RIMBP2: variants seen among roughly 807,000 people sequenced by gnomAD.
The protein encoded by RIMBP2 is RIMS binding protein 2.
A neutral mutation model predicts 118.6 loss-of-function variants in RIMBP2; 48 were observed. That is an observed-to-expected ratio of 0.40 (90% confidence interval 0.32 to 0.51). The LOEUF is 0.51. Ranked by LOEUF, RIMBP2 falls within the 20% of genes least tolerant of loss-of-function variation. RIMBP2 has a pLI of 0.41. For missense variants in RIMBP2, 1,551 were observed against 1,768.3 expected (o/e 0.88, Z 2.20); for synonymous variants, 762 against 742.9 (o/e 1.03, Z -0.42).
intron 2 of RIMBP2, among the ~76,000 whole-genome samples, chr12:130,598,127 G>A (rs2059659828): frequency 6.6e-6 from 1 of 152,136 alleles, no homozygotes; most frequent in Non-Finnish European, 1.5e-5. Context: ...AAAAAATACA[G>A]ATTAAAATAG....
intron 1 of RIMBP2, among the ~76,000 whole-genome samples, chr12:130,682,624 T>C (rs2064846888): frequency 6.6e-6 from 1 of 152,252 alleles, no homozygotes; most frequent in Non-Finnish European, 1.5e-5. Context: ...TTCCAAAAAA[T>C]TCAAAACATA....
intron 2 of RIMBP2, among the ~76,000 whole-genome samples, chr12:130,618,839 C>A (rs1032328457): frequency 2.0e-5 from 3 of 152,174 alleles, no homozygotes; most frequent in Admixed American, 1.3e-4. Flanking sequence ...CCCAGTTGTA[C>A]AAGGATCTGG....
intron 2 of RIMBP2, among the ~76,000 whole-genome samples, chr12:130,548,050 C>A (rs1377329948): frequency 6.6e-6 from 1 of 152,158 alleles, no homozygotes. Flanking sequence ...CCTGGTCACC[C>A]TCTGGTGACT....
chr12:130,510,866 G>C (rs12425226), intron 3 of RIMBP2, among the ~76,000 whole-genome samples: 11,724 of 152,144 alleles, frequency 0.077, 609 homozygotes, highest in Admixed American at 0.17. Context: ...TTGTTTACCA[G>C]AATGATGAAG....
intron 7 of RIMBP2, 144 bp downstream of exon 7, chr12:130,456,352 G>T (rs746306183): frequency 1.5e-6 from 1 of 677,220 alleles, no homozygotes; most frequent in Non-Finnish European, 2.5e-6. Context: ...GAGCAGCCCT[G>T]TTCTCATCCT....
At chr12:130,503,407 C>CAA (rs2049997280) in intron 4 of RIMBP2, among the ~76,000 whole-genome samples, 5 of 88,354 alleles carry the variant, frequency 5.7e-5, no homozygotes, top group Admixed American at 4.9e-4. Context: ...AAAGAAAAAA[C>CAA]AAAAAACAAA....
rs372356000 is a variant in RIMBP2 at position 130,522,071 on chromosome 12, T to C, written c.-216-4154A>G. On this transcript the variant is annotated intron_variant, in intron 2 of 22. Transcript: ENST00000690449. Reference sequence around the variant, plus strand: ...CCCATCAGAGCATTCTGGGATTGGATGTGAGGACTCCTAGGGCCACATGTC... The same window carrying C: ...CCCATCAGAGCATTCTGGGATTGGACGTGAGGACTCCTAGGGCCACATGTC... Among the ~76,000 whole-genome samples, 127 of 152,334 alleles carry C rather than the reference T, an allele frequency of 8.3e-4. No individual in the cohort carries two copies. In the East Asian group the frequency reaches 0.013, roughly 15 times the overall value.
chr12:130,522,748 A>G (rs2052284960), intron 2 of RIMBP2, among the ~76,000 whole-genome samples: 1 of 152,120 alleles, frequency 6.6e-6, no homozygotes, highest in African/African-American at 2.4e-5. Flanking sequence ...AGGATGGCCC[A>G]CAGTGCCTGA....
At chr12:130,550,610 G>GT (rs1327006300) in intron 2 of RIMBP2, among the ~76,000 whole-genome samples, 2 of 152,164 alleles carry the variant, frequency 1.3e-5, no homozygotes, top group African/African-American at 2.4e-5. Flanking sequence ...GTTTATGTGA[G>GT]TCTAAACGTA....
intron 2 of RIMBP2, among the ~76,000 whole-genome samples, chr12:130,616,498 C>T (rs1297656448): frequency 1.3e-5 from 2 of 152,194 alleles, no homozygotes; most frequent in African/African-American, 4.8e-5. Flanking sequence ...CTCCTCAAAC[C>T]TGTCTACAAG....
In RIMBP2 at chr12:130,396,402, A is replaced by AAAAG. The variant is rs1335870832; in HGVS notation, c.*955_*958dup. ...CAATTTACAAGTGGACAAGAATTAC[A>AAAAG]AAAGAGTAACCATCAAATACATCTG... On this transcript the variant is annotated 3_prime_UTR_variant, in exon 23 of 23. Coordinates refer to ENST00000690449, the MANE Select transcript of RIMBP2 (RefSeq NM_001393629.1). The AAAAG allele has an allele frequency of 4.6e-5, 7 of 152,820 alleles. No homozygotes were observed. Among genetic ancestry groups the AAAAG allele is most frequent in the South Asian group, 2.1e-4 (1 of 4,828 alleles). 9.5% of individuals were successfully genotyped at this position (152,820 alleles called of 1,614,324 possible).
intron 2 of RIMBP2, among the ~76,000 whole-genome samples, chr12:130,605,774 T>C (rs1406928874): frequency 6.6e-6 from 1 of 152,096 alleles, no homozygotes; most frequent in Non-Finnish European, 1.5e-5. Context: ...AAGTAAAAGC[T>C]AAAAATGGGC....
chr12:130,645,986 G>A (rs559874957), intron 1 of RIMBP2, among the ~76,000 whole-genome samples: 2 of 152,162 alleles, frequency 1.3e-5, no homozygotes, highest in African/African-American at 4.8e-5. Context: ...AAAACCCAGG[G>A]AACAACACTT....
chr12:130,516,728 G>C (rs2051503720), intron 3 of RIMBP2, among the ~76,000 whole-genome samples: 1 of 152,204 alleles, frequency 6.6e-6, no homozygotes, highest in African/African-American at 2.4e-5. Flanking sequence ...TAAGTCAGAG[G>C]TGGACGAGAG....
At chr12:130,440,451 G>A (rs1391459690) in intron 11 of RIMBP2, among the ~76,000 whole-genome samples, 2 of 152,142 alleles carry the variant, frequency 1.3e-5, no homozygotes, top group African/African-American at 4.8e-5. Context: ...ACTGGGGTGA[G>A]CCTGGGGACC....
intron 2 of RIMBP2, among the ~76,000 whole-genome samples, chr12:130,562,172 T>A (rs1406671287): frequency 3.9e-5 from 6 of 152,182 alleles, no homozygotes; most frequent in Non-Finnish European, 8.8e-5. Flanking sequence ...AATGAAACAT[T>A]TGTGTGTAAT....
rs140200575 is a variant in RIMBP2 at position 130,602,301 on chromosome 12, A to C, written c.-217+26021T>G. 3.6e-3 allele frequency among the ~76,000 whole-genome samples: 545 copies of C among 152,284 alleles called. 2 individuals carry two copies. The highest frequency in any genetic ancestry group is 0.012 in the African/African-American group (515 of 41,552). ...AGACGACACAGGCACTCTGCCGCCC[A>C]TCTCTCTCAACACCTAACCTACCTT... On this transcript the variant is annotated intron_variant, in intron 2 of 22. Coordinates refer to ENST00000690449, the MANE Select transcript of RIMBP2 (RefSeq NM_001393629.1).
chr12:130,627,893 A>T (rs2061743949), intron 2 of RIMBP2, among the ~76,000 whole-genome samples: 1 of 152,272 alleles, frequency 6.6e-6, no homozygotes, highest in East Asian at 1.9e-4. Flanking sequence ...CTCCACCTCC[A>T]TTCAGAACTG....
intron 9 of RIMBP2, among the ~76,000 whole-genome samples, 185 bp from the exon 10 acceptor site, chr12:130,445,454 C>T (rs115480407): frequency 6.6e-6 from 1 of 152,194 alleles, no homozygotes; most frequent in Non-Finnish European, 1.5e-5. Flanking sequence ...CCAGCTCACA[C>T]ACACAGATTT....
Sources: gnomAD v4.1 joint callset for allele counts (sites outside exome capture counted in the v4.1 genomes callset) on GRCh38, gnomAD v4.1.1 for gene constraint, MANE v1.5 for transcripts, NCBI Gene and HGNC (gene_info 2026-07-23, HGNC 2026-07-21) for gene names.